The following NTM variants were observed in gnomAD, a reference collection of about 807,000 sequenced individuals.
NTM encodes the protein neurotrimin, also known as IgLON family member 2.
A neutral mutation model predicts 42.1 loss-of-function variants in NTM; 13 were observed. The observed-to-expected ratio is 0.31, with a 90% confidence interval of 0.20 to 0.49. The LOEUF (loss-of-function observed/expected upper bound fraction) is 0.49, where lower values mean the gene tolerates loss of function less well. Ranked by LOEUF, NTM falls within the 20% of genes least tolerant of loss-of-function variation. NTM has a pLI of 0.99. For missense variants in NTM, 373 were observed against 452.8 expected, an observed-to-expected ratio of 0.82 and a Z score of 1.60; for synonymous variants, 187 against 179.2, an observed-to-expected ratio of 1.04 and a Z score of -0.35.
chr11:132,085,382 G>T (rs1385841574), intron 2 of NTM, among the ~76,000 whole-genome samples: 2 of 152,204 alleles, frequency 1.3e-5, no homozygotes, highest in South Asian at 2.1e-4. Context: ...GAAGGGTGTG[G>T]TTAATTCCAT....
chr11:132,166,177 A>G (rs2075250621), intron 3 of NTM, among the ~76,000 whole-genome samples: 1 of 152,178 alleles, frequency 6.6e-6, no homozygotes, highest in Non-Finnish European at 1.5e-5. Flanking sequence ...CAAAAGTGCC[A>G]TATAATGTAT....
rs560038866 is a variant in NTM at position 131,729,172 on chromosome 11, C to T, written c.83-182392C>T. Among the ~76,000 whole-genome samples the T allele has an allele frequency of 1.7e-4, 26 of 152,114 alleles. 1 individual carries two copies. The South Asian group carries it at 5.4e-3, about 32-fold the overall frequency. On this transcript the variant is annotated intron_variant, in intron 1 of 8. Transcript: ENST00000683400. ...TTTTTTTATCTGCTCAAAGGGATTG[C>T]CAATGAAGATTAAATGAGTTAATAC...
intron 1 of NTM, among the ~76,000 whole-genome samples, chr11:131,423,011 C>T (rs151312731): frequency 6.6e-6 from 1 of 152,292 alleles, no homozygotes; most frequent in African/African-American, 2.4e-5. Flanking sequence ...GTATTAGATG[C>T]CCTACATCTT....
intron 2 of NTM, among the ~76,000 whole-genome samples, chr11:132,071,230 G>T (rs1352342916): frequency 1.5e-5 from 2 of 134,696 alleles, no homozygotes; most frequent in South Asian, 2.6e-4. Flanking sequence ...TCACAGGTTA[G>T]TTAACACGTC....
chr11:132,128,617 C>T (rs139658140), intron 2 of NTM, among the ~76,000 whole-genome samples: 1 of 151,922 alleles, frequency 6.6e-6, no homozygotes, highest in African/African-American at 2.4e-5. Flanking sequence ...CACACAGGTA[C>T]AAGAGGCTGA....
intron 2 of NTM, among the ~76,000 whole-genome samples, chr11:132,046,272 G>C (rs2077974164): frequency 6.6e-6 from 1 of 151,928 alleles, no homozygotes. Flanking sequence ...CTATCATCCT[G>C]AGCTCTTCCA....
At chr11:131,910,820 G>A in intron 1 of NTM, 1 of 984,566 alleles carries the variant, frequency 1.0e-6, no homozygotes, top group Non-Finnish European at 1.2e-6. Flanking sequence ...GGACAGCGGC[G>A]GCCGCAGCGC....
intron 1 of NTM, chr11:131,777,142 T>C: frequency 1.3e-6 from 1 of 782,408 alleles, no homozygotes; most frequent in Non-Finnish European, 1.5e-6. Flanking sequence ...ATATATTGCA[T>C]ATAACATCTC....
chr11:131,490,289 A>G (rs1954643935), intron 1 of NTM, among the ~76,000 whole-genome samples: 1 of 152,238 alleles, frequency 6.6e-6, no homozygotes, highest in African/African-American at 2.4e-5. Flanking sequence ...AACCTGCTAC[A>G]TGAGCTCAAA....
intron 2 of NTM, among the ~76,000 whole-genome samples, chr11:132,097,442 C>T (rs1444405746): frequency 6.6e-6 from 1 of 152,180 alleles, no homozygotes; most frequent in Non-Finnish European, 1.5e-5. Flanking sequence ...GCTGATGGCT[C>T]ACTGTTCTAA....
chr11:132,154,647 C>A (rs1163278165), intron 3 of NTM, among the ~76,000 whole-genome samples: 1 of 152,138 alleles, frequency 6.6e-6, no homozygotes, highest in Non-Finnish European at 1.5e-5. Context: ...AAGAAGCAGT[C>A]CCCAGCCCTC....
chr11:131,802,054 A>C (rs2092159737), intron 1 of NTM, among the ~76,000 whole-genome samples: 1 of 152,176 alleles, frequency 6.6e-6, no homozygotes, highest in Non-Finnish European at 1.5e-5. Context: ...TAAAATCCTA[A>C]AAAAACTAAT....
intron 1 of NTM, among the ~76,000 whole-genome samples, chr11:131,415,967 T>C (rs1461485521): frequency 2.6e-5 from 4 of 152,234 alleles, no homozygotes; most frequent in Non-Finnish European, 4.4e-5. Context: ...ACTAAGGTTG[T>C]CAGACTTGGA....
At chr11:132,057,847 G>A (rs1790163) in intron 2 of NTM, among the ~76,000 whole-genome samples, 45,273 of 151,420 alleles carry the variant, frequency 0.3, 5,450 homozygotes, top group African/African-American at 0.34. Context: ...TTGTTTTTTG[G>A]TTTGTTTGTG....
intron 1 of NTM, among the ~76,000 whole-genome samples, chr11:131,807,901 A>G (rs1160496001): frequency 6.6e-6 from 1 of 152,192 alleles, no homozygotes; most frequent in Non-Finnish European, 1.5e-5. Context: ...ATTATTAATG[A>G]TATCATGATT....
At chr11:132,186,822 G>A (rs10894519) in intron 3 of NTM, among the ~76,000 whole-genome samples, 117,230 of 152,138 alleles carry the variant, frequency 0.77, 45,903 homozygotes, top group African/African-American at 0.9. Flanking sequence ...ACTCTTGCAG[G>A]TTTGCCCTTC....
intron 1 of NTM, among the ~76,000 whole-genome samples, chr11:131,497,426 A>G (rs940458991): frequency 7.2e-5 from 11 of 152,028 alleles, no homozygotes; most frequent in Admixed American, 3.3e-4. Flanking sequence ...TGACCTCGTG[A>G]TCTGCCCGCC....
intron 2 of NTM, among the ~76,000 whole-genome samples, chr11:131,957,863 G>C (rs1442909943): frequency 6.6e-6 from 1 of 151,910 alleles, no homozygotes; most frequent in East Asian, 1.9e-4. Context: ...TGAATAGGTG[G>C]TTGTGTGTGT....
intron 1 of NTM, among the ~76,000 whole-genome samples, chr11:131,875,930 G>C (rs918095705): frequency 6.6e-6 from 1 of 152,230 alleles, no homozygotes; most frequent in African/African-American, 2.4e-5. Context: ...GGTGGCAGAG[G>C]CAGCGAGGAG....
Sources: gnomAD v4.1 joint callset for allele counts (sites outside exome capture counted in the v4.1 genomes callset) on GRCh38, gnomAD v4.1.1 for gene constraint, MANE v1.5 for transcripts, NCBI Gene and HGNC (gene_info 2026-07-23, HGNC 2026-07-21) for gene names.